Variants in BBOX1 observed in about 807,000 individuals in gnomAD.
The protein encoded by BBOX1 is gamma-butyrobetaine dioxygenase.
In BBOX1, 35 loss-of-function variants were observed where a neutral mutation model predicts 41.6. That is an observed-to-expected ratio of 0.84 (90% CI 0.64 to 1.11). The LOEUF is 1.11. Ranked by LOEUF, BBOX1 falls within the 50% of genes most tolerant of loss-of-function variation. The pLI is 0.00. For missense variants in BBOX1, 458 were observed against 460.6 expected (o/e 0.99, Z 0.05); for synonymous variants, 163 against 154.7 (o/e 1.05, Z -0.40).
At chr11:27,056,640 G>A (rs1196735367) in intron 3 of BBOX1, among the ~76,000 whole-genome samples, 1 of 152,154 alleles carries the variant, frequency 6.6e-6, no homozygotes, top group African/African-American at 2.4e-5. Flanking sequence ...GGGATCCCAG[G>A]TTTAGAGGAT....
Position 27,055,424 on chromosome 11 carries a change from C to T in BBOX1, c.-7C>T, listed in dbSNP as rs746274716. 19 of 1,611,650 alleles carry T rather than the reference C, an allele frequency of 1.2e-5. No homozygotes were observed. Among genetic ancestry groups the T allele is most frequent in the Middle Eastern group, 1.9e-4 (1 of 5,216 alleles). On this transcript the variant is annotated 5_prime_UTR_variant, in exon 3 of 9. Transcript: ENST00000263182. ...GCTGACAGCATCTACTCCTGAAGAC[C>T]GGAAACATGGCTTGTACCATCCAAA...
chr11:27,071,211 A>T (rs1378922123), intron 4 of BBOX1, among the ~76,000 whole-genome samples: 1 of 151,818 alleles, frequency 6.6e-6, no homozygotes, highest in Non-Finnish European at 1.5e-5. Flanking sequence ...CATCTCTACT[A>T]AAACAAAAAA....
intron 2 of BBOX1, among the ~76,000 whole-genome samples, chr11:27,050,066 T>C (rs923676682): frequency 6.6e-6 from 1 of 152,172 alleles, no homozygotes; most frequent in Admixed American, 6.5e-5. Context: ...TTTATACTTC[T>C]TCATCTGGAT....
chr11:27,071,641 C>A (rs1857454853), intron 4 of BBOX1, among the ~76,000 whole-genome samples: 2 of 152,096 alleles, frequency 1.3e-5, no homozygotes, highest in South Asian at 4.1e-4. Flanking sequence ...AGACCAATAT[C>A]CCTGATGAAC....
At chr11:27,100,173 A>G (rs1858594861) in intron 5 of BBOX1, among the ~76,000 whole-genome samples, 1 of 152,120 alleles carries the variant, frequency 6.6e-6, no homozygotes, top group South Asian at 2.1e-4. Flanking sequence ...TCTCACCCCT[A>G]AGAAATTGCT....
intron 5 of BBOX1, among the ~76,000 whole-genome samples, chr11:27,111,501 A>T (rs991562347): frequency 6.6e-6 from 1 of 151,902 alleles, no homozygotes; most frequent in Non-Finnish European, 1.5e-5. Context: ...TAAAAGCTGA[A>T]ATTATTTTTT....
chr11:27,120,973 G>C (rs962057926), intron 7 of BBOX1, among the ~76,000 whole-genome samples: 3 of 152,082 alleles, frequency 2.0e-5, no homozygotes, highest in Admixed American at 6.6e-5. Flanking sequence ...TTTTTAAACA[G>C]ATGAGTAAAT....
At chr11:27,085,945 A>G (rs902276000) in intron 4 of BBOX1, among the ~76,000 whole-genome samples, 3 of 152,178 alleles carry the variant, frequency 2.0e-5, no homozygotes, top group Non-Finnish European at 4.4e-5. Flanking sequence ...AACCAGCCAC[A>G]TTTCCTTAAG....
intron 7 of BBOX1, among the ~76,000 whole-genome samples, chr11:27,120,421 A>G (rs1278882133): frequency 1.3e-5 from 2 of 152,102 alleles, no homozygotes; most frequent in Non-Finnish European, 2.9e-5. Flanking sequence ...GGGTTAGAGA[A>G]TTCTGATTGT....
At chr11:27,063,656 CAAAA>C (rs11354714) in intron 4 of BBOX1, among the ~76,000 whole-genome samples, 2 of 141,620 alleles carry the variant, frequency 1.4e-5, no homozygotes, top group Admixed American at 7.1e-5. Context: ...ATTGCACAGT[CAAAA>C]AAAAAAAAAA....
At chr11:27,088,972 T>C (rs112855170) in intron 4 of BBOX1, among the ~76,000 whole-genome samples, 74 of 152,098 alleles carry the variant, frequency 4.9e-4, no homozygotes, top group African/African-American at 1.8e-3. Context: ...CAAACTCCTT[T>C]CATAATATTA....
chr11:27,046,521 A>C (rs1035593654), intron 2 of BBOX1, among the ~76,000 whole-genome samples: 7 of 152,074 alleles, frequency 4.6e-5, no homozygotes, highest in Admixed American at 3.9e-4. Context: ...GAATATGCCA[A>C]AAATCCAAAG....
At position 27,119,688 on chromosome 11, in the gene BBOX1, G is replaced by T. The variant is rs1859395369; in HGVS notation, c.679G>T (p.Gly227Cys). ...LHCIKQTVTG[G>C]DSEIVDGFNV... ...CTGCATAAAGCAAACAGTCACAGGGGGTGATTCAGAAATTGTAGATGGGTT... is the reference window on the plus strand; with the variant it reads ...CTGCATAAAGCAAACAGTCACAGGGTGTGATTCAGAAATTGTAGATGGGTT... The change falls in exon 7 of 9, where the codon GGT becomes TGT. Residue 227 changes from glycine (G) to cysteine (C), a missense_variant. Physicochemically the swap from Gly to Cys is radical, Grantham distance 159. Coordinates refer to ENST00000263182, the MANE Select transcript of BBOX1 (RefSeq NM_003986.3). 6 of 1,566,754 alleles carry T rather than the reference G, an allele frequency of 3.8e-6. No homozygotes were observed. The highest frequency in any genetic ancestry group is 5.2e-6 in the Non-Finnish European group (6 of 1,159,638).
At chr11:27,063,244 T>C (rs1019849967) in intron 4 of BBOX1, among the ~76,000 whole-genome samples, 14 of 152,250 alleles carry the variant, frequency 9.2e-5, no homozygotes, top group Admixed American at 3.3e-4. Flanking sequence ...TGGGTGAAAA[T>C]GGAAGACTTT....
At chr11:27,070,123 A>T (rs2133990460) in intron 4 of BBOX1, among the ~76,000 whole-genome samples, 1 of 152,130 alleles carries the variant, frequency 6.6e-6, no homozygotes, top group Non-Finnish European at 1.5e-5. Context: ...CTGTGTTCTG[A>T]GAGGGTACTT....
At chr11:27,096,175 C>A (rs776332276) in intron 5 of BBOX1, among the ~76,000 whole-genome samples, 4 of 151,928 alleles carry the variant, frequency 2.6e-5, no homozygotes, top group Non-Finnish European at 5.9e-5. Context: ...TGAACTCTCA[C>A]AATGATGTGC....
intron 3 of BBOX1, 46 bp from the exon 4 acceptor site, chr11:27,057,155 C>T (rs549297776): frequency 1.5e-5 from 20 of 1,317,220 alleles, no homozygotes; most frequent in East Asian, 5.3e-5. Context: ...TAGTGGAGAA[C>T]GGAAATAAAA....
chr11:27,100,816 G>A (rs563565125), intron 5 of BBOX1, among the ~76,000 whole-genome samples: 1 of 152,100 alleles, frequency 6.6e-6, no homozygotes, highest in Non-Finnish European at 1.5e-5. Flanking sequence ...AACCAATTAA[G>A]GCAATTGCTT....
chr11:27,063,473 T>C (rs1169372310), intron 4 of BBOX1, among the ~76,000 whole-genome samples: 1 of 152,116 alleles, frequency 6.6e-6, no homozygotes, highest in South Asian at 2.1e-4. Flanking sequence ...ATCAGAATGA[T>C]AGATGCTTGA....
Sources: allele counts gnomAD v4.1 joint callset (sites outside exome capture counted in the v4.1 genomes callset), GRCh38; gene constraint gnomAD v4.1.1; transcripts MANE v1.5; gene names NCBI Gene and HGNC (gene_info 2026-07-23, HGNC 2026-07-21).